The following INPP4B variants were observed in gnomAD, a reference collection of about 807,000 sequenced individuals.
The protein encoded by INPP4B is inositol polyphosphate 4-phosphatase type II.
INPP4B carries 55 observed loss-of-function variants against 122.5 expected under a neutral mutation model. The observed-to-expected ratio is 0.45, with a 90% CI of 0.36 to 0.56. The LOEUF (loss-of-function observed/expected upper bound fraction) is 0.56, where lower values mean the gene tolerates loss of function less well. INPP4B is among the 20% of genes least tolerant of loss of function. INPP4B has a pLI of 0.00. For synonymous variants in INPP4B, 403 were observed against 388.7 expected, an observed-to-expected ratio of 1.04 and a Z score of -0.43; for missense variants, 1,000 against 1,097.7, an observed-to-expected ratio of 0.91 and a Z score of 1.26.
At chr4:142,129,488 G>A (rs1371419030) in intron 18 of INPP4B, among the ~76,000 whole-genome samples, 1 of 152,102 alleles carries the variant, frequency 6.6e-6, no homozygotes, top group African/African-American at 2.4e-5. Context: ...CACTTTATAG[G>A]TAAATTCCTT....
At position 142,041,815 on chromosome 4, in the gene INPP4B, A is replaced by C. The variant is rs547659583; in HGVS notation, c.2643-12901T>G. 1.1e-4 allele frequency among the ~76,000 whole-genome samples: 16 copies of C among 152,308 alleles called. No individual in the cohort carries two copies. In the South Asian group the frequency reaches 3.3e-3, roughly 32 times the overall value. On this transcript the variant is annotated intron_variant, in intron 25 of 25. Coordinates refer to ENST00000262992, the MANE Select transcript of INPP4B (RefSeq NM_001101669.3). ...TTATTTAGTTCAAACAAACAGTTCCAGACTTTAATGTCATTTGATGCTGCA... is the reference window on the plus strand; with the variant it reads ...TTATTTAGTTCAAACAAACAGTTCCCGACTTTAATGTCATTTGATGCTGCA...
chr4:142,173,839 A>G (rs768918173), intron 15 of INPP4B, 30 bp from the exon 16 acceptor site: 5 of 1,558,150 alleles, frequency 3.2e-6, no homozygotes, highest in Non-Finnish European at 4.4e-6. Context: ...AATAAGTTAC[A>G]CAAACAGCAT....
intron 1 of INPP4B, among the ~76,000 whole-genome samples, chr4:142,746,034 C>A (rs1318598986): frequency 1.3e-5 from 2 of 151,814 alleles, no homozygotes; most frequent in Non-Finnish European, 2.9e-5. Flanking sequence ...GATGAAAAGT[C>A]TTTATTCTTT....
At chr4:142,403,674 C>T (rs1044517108) in intron 6 of INPP4B, among the ~76,000 whole-genome samples, 4 of 152,132 alleles carry the variant, frequency 2.6e-5, no homozygotes, top group African/African-American at 9.7e-5. Context: ...ATTTTTAGAG[C>T]TGACATCCAG....
chr4:142,197,003 G>A (rs1052140339), intron 14 of INPP4B, among the ~76,000 whole-genome samples: 1 of 151,306 alleles, frequency 6.6e-6, no homozygotes, highest in Non-Finnish European at 1.5e-5. Context: ...GCAGGCACCT[G>A]TAATCTCAGC....
intron 5 of INPP4B, 35 bp downstream of exon 5, chr4:142,429,138 A>T: frequency 7.9e-7 from 1 of 1,267,398 alleles, no homozygotes. Flanking sequence ...ACAAATTCTT[A>T]TATTTATTGA....
At chr4:142,136,533 C>T (rs981717209) in intron 18 of INPP4B, among the ~76,000 whole-genome samples, 6 of 152,156 alleles carry the variant, frequency 3.9e-5, no homozygotes, top group Non-Finnish European at 7.3e-5. Flanking sequence ...GAAGTTTGGG[C>T]ATGGGGAAAG....
chr4:142,456,236 TC>T lies in INPP4B; in HGVS notation c.-127+6426del, dbSNP rs762063919. Among the ~76,000 whole-genome samples, 16 of 152,238 alleles carry T rather than the reference TC, an allele frequency of 1.1e-4. No individual in the cohort carries two copies. The South Asian group carries it at 3.3e-3, about 32-fold the overall frequency. On this transcript the variant is annotated intron_variant, in intron 3 of 25. Transcript: ENST00000262992. ...TCAAGAAATATTGCCCAGAACAATGTCCTGGAGAGTTTTCCTAATGTTTTCT... is the reference window on the plus strand; with the variant it reads ...TCAAGAAATATTGCCCAGAACAATGTCTGGAGAGTTTTCCTAATGTTTTCT...
At chr4:142,757,948 T>C (rs1554004723) in intron 1 of INPP4B, among the ~76,000 whole-genome samples, 1 of 152,000 alleles carries the variant, frequency 6.6e-6, no homozygotes, top group Non-Finnish European at 1.5e-5. Context: ...CTAGAACTAG[T>C]GAATCAGAAT....
chr4:142,471,082 G>A (rs6837163), intron 2 of INPP4B, among the ~76,000 whole-genome samples: 67,112 of 151,852 alleles, frequency 0.44, 16,428 homozygotes, highest in Middle Eastern at 0.66. Context: ...GTAAAACTCC[G>A]TGTAAAATTC....
intron 2 of INPP4B, among the ~76,000 whole-genome samples, chr4:142,517,336 G>GT (rs1263910192): frequency 6.6e-6 from 1 of 152,072 alleles, no homozygotes; most frequent in Non-Finnish European, 1.5e-5. Flanking sequence ...CATGTTGGGT[G>GT]TTGGTCTCTT....
chr4:142,190,224 G>C (rs996567631), intron 15 of INPP4B, among the ~76,000 whole-genome samples: 1 of 150,474 alleles, frequency 6.6e-6, no homozygotes, highest in African/African-American at 2.5e-5. Context: ...TTTTTTTGGT[G>C]GGGGGCAATA....
At chr4:142,789,294 T>C (rs1454206995) in intron 1 of INPP4B, among the ~76,000 whole-genome samples, 2 of 152,124 alleles carry the variant, frequency 1.3e-5, no homozygotes, top group Non-Finnish European at 2.9e-5. Context: ...AGTCAAACTG[T>C]CACTGTTTGC....
rs568452034 is a variant in INPP4B, at chr4:142,230,750, A to G, written c.836+7114T>C. Among the ~76,000 whole-genome samples the G allele has an allele frequency of 3.4e-4, 52 of 151,578 alleles. 1 individual carries two copies. Among genetic ancestry groups the G allele is most frequent in the Admixed American group, 1.9e-3 (29 of 15,190 alleles). Reference sequence around the variant, plus strand: ...TTTATAAATTTTCTATATTTTTACTATTTCACATAGTGAGCATGTATTATT... The same window carrying G: ...TTTATAAATTTTCTATATTTTTACTGTTTCACATAGTGAGCATGTATTATT... On this transcript the variant is annotated intron_variant, in intron 12 of 25. Transcript: ENST00000262992.
chr4:142,613,319 C>T (rs1476824712), intron 2 of INPP4B, among the ~76,000 whole-genome samples: 1 of 152,150 alleles, frequency 6.6e-6, no homozygotes, highest in Non-Finnish European at 1.5e-5. Context: ...GTGAGTAGTA[C>T]ATTTTATAAG....
At chr4:142,373,207 T>A (rs1467150740) in intron 7 of INPP4B, among the ~76,000 whole-genome samples, 1 of 152,042 alleles carries the variant, frequency 6.6e-6, no homozygotes, top group Non-Finnish European at 1.5e-5. Flanking sequence ...TGCATCTTTA[T>A]TGAATAGATT....
intron 25 of INPP4B, among the ~76,000 whole-genome samples, chr4:142,051,690 C>T (rs543909367): frequency 5.9e-5 from 9 of 152,110 alleles, no homozygotes; most frequent in Non-Finnish European, 1.3e-4. Context: ...AAGCCACCAA[C>T]TAATTAGAAA....
At chr4:142,764,777 G>A (rs1771844420) in intron 1 of INPP4B, among the ~76,000 whole-genome samples, 1 of 151,926 alleles carries the variant, frequency 6.6e-6, no homozygotes, top group South Asian at 2.1e-4. Context: ...CCCTTAACAG[G>A]AGGGTCTAGC....
At chr4:142,622,520 G>T (rs541618932) in intron 2 of INPP4B, among the ~76,000 whole-genome samples, 1 of 152,006 alleles carries the variant, frequency 6.6e-6, no homozygotes, top group East Asian at 1.9e-4. Context: ...CCTTCTAAAT[G>T]AATAGCCTTA....
Sources: gnomAD v4.1 joint callset for allele counts (sites outside exome capture counted in the v4.1 genomes callset) on GRCh38, gnomAD v4.1.1 for gene constraint, MANE v1.5 for transcripts, NCBI Gene and HGNC (gene_info 2026-07-23, HGNC 2026-07-21) for gene names.